The following DNAH10 variants were observed in gnomAD, a reference collection of about 807,000 sequenced individuals.
DNAH10 encodes the protein dynein axonemal heavy chain 10, also known as axonemal beta dynein heavy chain 10.
In DNAH10, 348 loss-of-function variants were observed where a neutral mutation model predicts 506.6. The observed-to-expected ratio is 0.69, with a 90% CI of 0.63 to 0.75. DNAH10 has a LOEUF of 0.75. DNAH10 is among the 30% of genes least tolerant of loss of function. The pLI is 0.00. For missense variants in DNAH10, 5,179 were observed against 5,787.1 expected, an observed-to-expected ratio of 0.89 and a Z score of 3.41; for synonymous variants, 2,059 against 2,198.6, an observed-to-expected ratio of 0.94 and a Z score of 1.78.
At chr12:123,806,377 G>A (rs187886321) in intron 18 of DNAH10, among the ~76,000 whole-genome samples, 18 of 152,240 alleles carry the variant, frequency 1.2e-4, no homozygotes, top group Non-Finnish European at 4.4e-5. Flanking sequence ...TAAGTGACTC[G>A]TCCGGGACCA....
rs1219583154 is a variant in DNAH10 at position 123,903,192 on chromosome 12, A to T, written c.9815+79A>T. 6.8e-7 allele frequency: 1 copy of T among 1,472,476 alleles called. No individual in the cohort carries two copies. The highest frequency in any genetic ancestry group is 9.0e-7 in the Non-Finnish European group (1 of 1,108,250). The allele number at this position is 1,472,476 out of a possible 1,614,324, so 91.2% of individuals were successfully genotyped here. On this transcript the variant is annotated intron_variant, in intron 57 of 78. Coordinates refer to ENST00000673944, the MANE Select transcript of DNAH10 (RefSeq NM_001372106.1). This position sits in a 1 kb window ranked among gnomAD's most constrained non-coding sequence, Gnocchi z 4.6. The stretch of plus-strand genomic sequence containing the variant: ...AGTCTCCATGATCGTGGCAACCAGG[A>T]GCTTACAAAGGAGCCGATGCCACAT...
chr12:123,797,495 C>T (rs573795338), intron 13 of DNAH10, among the ~76,000 whole-genome samples: 86 of 151,884 alleles, frequency 5.7e-4, no homozygotes, highest in African/African-American at 2.0e-3. Flanking sequence ...TGGGTTTAAG[C>T]GATCCTCCTG....
At chr12:123,810,692 C>CA (rs1249312224) in intron 19 of DNAH10, among the ~76,000 whole-genome samples, 1,575 of 138,580 alleles carry the variant, frequency 0.011, 22 homozygotes, top group African/African-American at 0.038. Flanking sequence ...GACTCCGTCT[C>CA]AAAAAAAAAA....
intron 24 of DNAH10, among the ~76,000 whole-genome samples, chr12:123,823,095 C>T (rs2674506): frequency 0.61 from 92,987 of 152,094 alleles, 29,076 homozygotes; most frequent in East Asian, 0.99. Context: ...GAGTGGCCCA[C>T]TGGCCCAGGG....
At chr12:123,894,821 C>A in intron 54 of DNAH10, 98 bp downstream of exon 54, 2 of 1,088,730 alleles carry the variant, frequency 1.8e-6, no homozygotes, top group Non-Finnish European at 2.7e-6. Context: ...GATTTCTTCA[C>A]TGGAAAACCC....
Position 123,830,593 on chromosome 12 carries a change from C to G in DNAH10, c.4439C>G (p.Thr1480Ser), listed in dbSNP as rs1960438937. 2 of 1,613,576 alleles carry G rather than the reference C, an allele frequency of 1.2e-6. No homozygotes were observed. Among genetic ancestry groups the G allele is most frequent in the Non-Finnish European group, 1.7e-6 (2 of 1,179,754 alleles). The change falls in exon 26 of 79, where the codon ACC (threonine) becomes AGC (serine). Residue 1480 changes from threonine to serine, a missense_variant. Around this residue, in one of 3 missense-constraint regions of DNAH10, gnomAD observed 4,844 missense variants for 5,430.5 expected, o/e 0.89. Transcript: ENST00000673944. ...AAAACGTCTGTCTTTTTTGAAATGA[C>G]CGAAACGTTCACCTTGGAAAATATG... Reference protein sequence around the residue: ...MEKTSVFFEMTETFTLENMFA... With the variant: ...MEKTSVFFEMSETFTLENMFA...
chr12:123,890,868 TC>T (rs1251151806), intron 52 of DNAH10, among the ~76,000 whole-genome samples: 14 of 152,094 alleles, frequency 9.2e-5, no homozygotes, highest in Admixed American at 9.2e-4. Context: ...GATCAGTGCT[TC>T]CATTTGCTGA....
Position 123,896,853 on chromosome 12 carries a change from T to G in DNAH10, c.9281-917T>G, listed in dbSNP as rs115065188. 9.1e-3 allele frequency among the ~76,000 whole-genome samples: 1,383 copies of G among 152,304 alleles called. 28 individuals carry two copies. The highest frequency in any genetic ancestry group is 0.031 in the African/African-American group (1,292 of 41,552). On this transcript the variant is annotated intron_variant, in intron 54 of 78. Coordinates refer to ENST00000673944, the MANE Select transcript of DNAH10 (RefSeq NM_001372106.1). ...CATTTTTTTATTGTAGTAAAATATA[T>G]GTAACATAACATTTTCCATTTTAAG... is the stretch of plus-strand genomic sequence containing the variant.
At position 123,879,812 on chromosome 12, in the gene DNAH10, G is replaced by A. The variant is rs759604081; in HGVS notation, c.8634+11G>A. ...AAGGCTCTGTTCCAGGTGGGGATGA[G>A]CCCCACCCTGTCCATGGGCTCACTT... On this transcript the variant is annotated intron_variant, in intron 50 of 78. Coordinates refer to ENST00000673944, the MANE Select transcript of DNAH10 (RefSeq NM_001372106.1). 1.9e-6 allele frequency: 3 copies of A among 1,611,656 alleles called. No individual in the cohort carries two copies. The highest frequency in any genetic ancestry group is 3.3e-5 in the Admixed American group (2 of 59,806).
intron 51 of DNAH10, among the ~76,000 whole-genome samples, 190 bp from the exon 52 acceptor site, chr12:123,886,952 G>T (rs1952761294): frequency 6.6e-6 from 1 of 152,092 alleles, no homozygotes; most frequent in Non-Finnish European, 1.5e-5. Flanking sequence ...CTGTTGCTGG[G>T]CTCATGGGGC....
intron 1 of DNAH10, among the ~76,000 whole-genome samples, chr12:123,766,089 TCTATC>T (rs1957036494): frequency 9.2e-6 from 1 of 108,424 alleles, no homozygotes; most frequent in Admixed American, 9.3e-5. Context: ...TATCTATACA[TCTATC>T]TATCTATACA....
chr12:123,767,890 AAAC>A (rs1957107376), intron 2 of DNAH10, among the ~76,000 whole-genome samples: 2 of 152,266 alleles, frequency 1.3e-5, no homozygotes, highest in South Asian at 4.1e-4. Flanking sequence ...GGGTGGCTGA[AAAC>A]AACACAGATG....
In DNAH10 at chr12:123,913,104, A is replaced by G. The variant is rs1954304385; in HGVS notation, c.10141A>G (p.Arg3381Gly). Residue 3381 changes from arginine (R) to glycine (G), a missense_variant, in exon 60 of 79, where the codon AGG becomes GGG. This residue lies in a region of DNAH10 where 4,844 missense variants were observed against 5,430.5 expected (regional missense o/e 0.89). Transcript: ENST00000673944. The surrounding 1 kb of genome is among the most constrained non-coding windows in gnomAD (Gnocchi z 5.1). Reference sequence around the variant, plus strand: ...GCAAATTGTCTTCACTTAGGTGGCCAGGCTGGAGCGGAATTTTTACCTCAC... The same window carrying G: ...GCAAATTGTCTTCACTTAGGTGGCCGGGCTGGAGCGGAATTTTTACCTCAC... Reference protein sequence around the residue: ...EIKPKREKVARLERNFYLTKR... With the variant: ...EIKPKREKVAGLERNFYLTKR... The G allele has an allele frequency of 6.2e-7, 1 of 1,608,522 alleles. No individual in the cohort carries two copies. The highest frequency in any genetic ancestry group is 1.7e-5 in the Admixed American group (1 of 59,398).
chr12:123,857,373 C>T (rs1429852800), intron 37 of DNAH10, 126 bp downstream of exon 37: 1 of 854,080 alleles, frequency 1.2e-6, no homozygotes, highest in Non-Finnish European at 1.7e-6. Context: ...ACCATTTTTC[C>T]CCATTTTTAA....
At chr12:123,848,973 G>A (rs932910444) in intron 34 of DNAH10, 91 bp downstream of exon 34, 10 of 1,463,704 alleles carry the variant, frequency 6.8e-6, no homozygotes, top group African/African-American at 4.2e-5. Flanking sequence ...TTTCTGGGCC[G>A]TTGACACTCC....
chr12:123,763,504 C>A (rs1956905848), intron 1 of DNAH10, among the ~76,000 whole-genome samples: 1 of 151,680 alleles, frequency 6.6e-6, no homozygotes, highest in South Asian at 2.1e-4. Context: ...GGCCGGCAGA[C>A]CTTTGATTTT....
At chr12:123,862,942 C>T (rs1337987248) in intron 39 of DNAH10, among the ~76,000 whole-genome samples, 2 of 151,744 alleles carry the variant, frequency 1.3e-5, no homozygotes, top group East Asian at 1.9e-4. Flanking sequence ...AGAGAGAGTG[C>T]GAATGTGGCA....
intron 1 of DNAH10, 91 bp from the exon 2 acceptor site, chr12:123,767,515 C>T (rs1302222462): frequency 1.0e-5 from 13 of 1,258,838 alleles, no homozygotes; most frequent in Non-Finnish European, 1.5e-5. Context: ...ACATACCAAC[C>T]CCTTGGCTCC....
intron 4 of DNAH10, 83 bp from the exon 5 acceptor site, chr12:123,774,066 A>C: frequency 1.2e-6 from 1 of 861,220 alleles, no homozygotes; most frequent in Non-Finnish European, 1.8e-6. Flanking sequence ...GGGAAGAAGG[A>C]GAAGATTCCT....
Sources: gnomAD v4.1 joint callset for allele counts (sites outside exome capture counted in the v4.1 genomes callset) on GRCh38, gnomAD v4.1.1 for gene constraint, gnomAD v4.1.1 regional missense constraint, Gnocchi (gnomAD v3.1) non-coding constraint, MANE v1.5 for transcripts, NCBI Gene and HGNC (gene_info 2026-07-23, HGNC 2026-07-21) for gene names.